Variants in FARP2 observed in about 807,000 individuals in gnomAD.
The protein encoded by FARP2 is FERM, ARH/RhoGEF and pleckstrin domain protein 2, also known as FERM, ARHGEF and pleckstrin domain-containing protein 2.
Under a neutral mutation model 130.5 loss-of-function variants are expected in FARP2, and 111 were observed. The ratio of observed to expected loss-of-function variants is 0.85; its 90% CI spans 0.73 to 1.00. The LOEUF (loss-of-function observed/expected upper bound fraction) is 1.00, where lower values mean the gene tolerates loss of function less well. Among genes scored for constraint, FARP2 ranks in the 50% least tolerant of loss-of-function variants. The probability of loss-of-function intolerance (pLI) is 0.00; values close to 1 mark genes in which losing one functional copy is unlikely to be tolerated. For missense variants in FARP2, 1,385 were observed against 1,346.3 expected, an observed-to-expected ratio of 1.03 and a Z score of -0.45; for synonymous variants, 504 against 516.9, an observed-to-expected ratio of 0.98 and a Z score of 0.34.
In FARP2 at chr2:241,425,891, A is replaced by G. The variant is rs999798160; in HGVS notation, c.772-5788A>G. 1.0e-3 allele frequency among the ~76,000 whole-genome samples: 153 copies of G among 146,906 alleles called. 1 individual carries two copies. The highest frequency in any genetic ancestry group is 3.7e-3 in the African/African-American group (150 of 40,098). ...TTTTTTTTTTTGAGACTACAGTTTT[A>G]TTATTACTCAAATCAGTTTCCCCGA... On this transcript the variant is annotated intron_variant, in intron 8 of 26. Coordinates refer to ENST00000264042, the MANE Select transcript of FARP2 (RefSeq NM_014808.4).
chr2:241,492,882 G>C, intron 24 of FARP2, 47 bp from the exon 25 acceptor site: 2 of 1,100,076 alleles, frequency 1.8e-6, no homozygotes, highest in Non-Finnish European at 2.8e-6. Flanking sequence ...TCCCACAAGG[G>C]GTCCTGGGTG....
At chr2:241,395,061 C>A (rs2061996959) in intron 2 of FARP2, among the ~76,000 whole-genome samples, 1 of 152,212 alleles carries the variant, frequency 6.6e-6, no homozygotes, top group African/African-American at 2.4e-5. Context: ...TCCCATAAAA[C>A]CCATTCAGGG....
At chr2:241,371,551 G>GC (rs1394599971) in intron 1 of FARP2, among the ~76,000 whole-genome samples, 2 of 152,288 alleles carry the variant, frequency 1.3e-5, no homozygotes, top group African/African-American at 4.8e-5. Context: ...AGAGGAAAGG[G>GC]CCAGGAGACT....
chr2:241,476,337 T>A (rs895294271), intron 19 of FARP2, among the ~76,000 whole-genome samples: 9 of 151,710 alleles, frequency 5.9e-5, no homozygotes, highest in Admixed American at 2.0e-4. Flanking sequence ...GAGTAAGCCC[T>A]GATCACAGCA....
chr2:241,418,628 C>CT (rs1223791696), intron 8 of FARP2, among the ~76,000 whole-genome samples: 2 of 152,148 alleles, frequency 1.3e-5, no homozygotes, highest in Non-Finnish European at 2.9e-5. Context: ...TCAGTGTTGT[C>CT]TTCTGAAGTG....
At chr2:241,391,530 T>C (rs2061903454) in intron 2 of FARP2, among the ~76,000 whole-genome samples, 1 of 152,154 alleles carries the variant, frequency 6.6e-6, no homozygotes, top group Non-Finnish European at 1.5e-5. Context: ...GTGAGGAAGC[T>C]CATCGCAGGT....
chr2:241,393,709 A>C lies in FARP2; in HGVS notation c.184-10119A>C, dbSNP rs531837846. ...GCTGTTTCAAGAAGAATTTTCCCACAGAGCTTAAGACAAAGAATAAAGAAG... is the reference window on the plus strand; with the variant it reads ...GCTGTTTCAAGAAGAATTTTCCCACCGAGCTTAAGACAAAGAATAAAGAAG... On this transcript the variant is annotated intron_variant, in intron 2 of 26. Coordinates refer to ENST00000264042, the MANE Select transcript of FARP2 (RefSeq NM_014808.4). Among the ~76,000 whole-genome samples the C allele has an allele frequency of 2.0e-5, 3 of 152,344 alleles. No individual in the cohort carries two copies. In the East Asian group the frequency reaches 5.8e-4, roughly 29 times the overall value.
chr2:241,418,503 C>T (rs1346231234), intron 8 of FARP2, among the ~76,000 whole-genome samples: 1 of 152,000 alleles, frequency 6.6e-6, no homozygotes, highest in Non-Finnish European at 1.5e-5. Flanking sequence ...AGTCTCTGTG[C>T]TGTGGATGTG....
At chr2:241,436,607 A>G in intron 12 of FARP2, 69 bp downstream of exon 12, 1 of 1,210,204 alleles carries the variant, frequency 8.3e-7, no homozygotes, top group Non-Finnish European at 1.2e-6. Context: ...ATAGTCTGTC[A>G]GTATTGTAAC....
chr2:241,362,051 C>T (rs1016026314), intron 1 of FARP2, among the ~76,000 whole-genome samples: 6 of 151,832 alleles, frequency 4.0e-5, no homozygotes, highest in Admixed American at 6.6e-5. Flanking sequence ...CACGCCACCA[C>T]GCCCAGCCAA....
chr2:241,378,918 A>T (rs1324911771), intron 2 of FARP2, among the ~76,000 whole-genome samples: 1 of 152,220 alleles, frequency 6.6e-6, no homozygotes, highest in South Asian at 2.1e-4. Context: ...GATTAAACAA[A>T]TTCTGTGGTT....
intron 1 of FARP2, among the ~76,000 whole-genome samples, chr2:241,368,530 A>G (rs1559704322): frequency 6.6e-6 from 1 of 152,184 alleles, no homozygotes. Context: ...GTCAAAATTT[A>G]TGTGAAACAG....
chr2:241,416,914 G>A (rs1286397675), intron 7 of FARP2, among the ~76,000 whole-genome samples: 1 of 151,290 alleles, frequency 6.6e-6, no homozygotes, highest in Non-Finnish European at 1.5e-5. Flanking sequence ...GTCTCTAAAC[G>A]AATGAGCGAG....
intron 1 of FARP2, among the ~76,000 whole-genome samples, chr2:241,368,567 G>A (rs2150293021): frequency 6.6e-6 from 1 of 152,256 alleles, no homozygotes; most frequent in African/African-American, 2.4e-5. Flanking sequence ...AGCTGGGATT[G>A]ACAGGCTTTG....
In FARP2 at chr2:241,434,214, C is replaced by A; in HGVS notation, c.924C>A (p.Asn308Lys). 1 of 1,613,906 alleles carries A rather than the reference C, an allele frequency of 6.2e-7. No individual in the cohort carries two copies. Among genetic ancestry groups the A allele is most frequent in the Non-Finnish European group, 8.5e-7 (1 of 1,179,826 alleles). Residue 308 changes from asparagine (N) to lysine (K), a missense_variant, in exon 10 of 27, where the codon AAC becomes AAA. Coordinates refer to ENST00000264042, the MANE Select transcript of FARP2 (RefSeq NM_014808.4). Reference sequence around the variant, plus strand: ...TGGGTAGTAGAGATGAATGTAAGAACTTCTGGAAGATTTGTGTGGAGTATC... The same window carrying A: ...TGGGTAGTAGAGATGAATGTAAGAAATTCTGGAAGATTTGTGTGGAGTATC... ...FLLGSRDECK[N>K]FWKICVEYHT...
chr2:241,365,974 C>G (rs79962186), intron 1 of FARP2, among the ~76,000 whole-genome samples: 1 of 135,818 alleles, frequency 7.4e-6, no homozygotes. Flanking sequence ...GGTTTATGCT[C>G]TTTTTTTTTT....
chr2:241,463,311 C>T (rs1354666507), intron 15 of FARP2, 24 bp from the exon 16 acceptor site: 19 of 1,609,994 alleles, frequency 1.2e-5, no homozygotes, highest in Non-Finnish European at 1.5e-5. Context: ...CCACACCTCC[C>T]ATCACACCAC....
intron 8 of FARP2, among the ~76,000 whole-genome samples, 188 bp downstream of exon 8, chr2:241,418,297 C>T (rs1358116279): frequency 6.6e-6 from 1 of 152,202 alleles, no homozygotes; most frequent in Non-Finnish European, 1.5e-5. Context: ...TTTTGTCCTT[C>T]TCTGACACAC....
intron 2 of FARP2, among the ~76,000 whole-genome samples, chr2:241,400,113 A>C (rs1192912678): frequency 6.6e-6 from 1 of 152,186 alleles, no homozygotes; most frequent in Non-Finnish European, 1.5e-5. Flanking sequence ...TAGTGTAGTC[A>C]GGCAGGGCTC....
Sources: allele counts gnomAD v4.1 joint callset (sites outside exome capture counted in the v4.1 genomes callset), GRCh38; gene constraint gnomAD v4.1.1; transcripts MANE v1.5; gene names NCBI Gene and HGNC (gene_info 2026-07-23, HGNC 2026-07-21).